SPIN1: variants seen among roughly 807,000 people sequenced by gnomAD.
SPIN1 encodes the protein spindlin-1.
Under a neutral mutation model 26.0 loss-of-function variants are expected in SPIN1, and 3 were observed. That is an observed-to-expected ratio of 0.12 (90% CI 0.05 to 0.30). SPIN1 has a LOEUF of 0.30. SPIN1 is among the 10% of genes least tolerant of loss of function. The pLI, the probability that SPIN1 is intolerant of heterozygous loss-of-function variation, is 1.00. For missense variants in SPIN1, 126 were observed against 333.4 expected (o/e 0.38, Z 4.84); for synonymous variants, 101 against 116.5 (o/e 0.87, Z 0.86).
intron 1 of SPIN1, among the ~76,000 whole-genome samples, chr9:88,394,832 C>CA (rs1314702206): frequency 8.0e-6 from 1 of 125,720 alleles, no homozygotes; most frequent in African/African-American, 3.2e-5. Flanking sequence ...TTTTTTGAGA[C>CA]AGAGTCTCGC....
At chr9:88,441,396 T>TTC (rs1444186068) in intron 2 of SPIN1, among the ~76,000 whole-genome samples, 1 of 147,262 alleles carries the variant, frequency 6.8e-6, no homozygotes, top group African/African-American at 2.7e-5. Flanking sequence ...ATTGCTGCCA[T>TTC]TCGTGTGTGT....
At chr9:88,389,104 C>T (rs1826859319) in intron 1 of SPIN1, among the ~76,000 whole-genome samples, 1 of 152,074 alleles carries the variant, frequency 6.6e-6, no homozygotes. Flanking sequence ...CGGGGGATGG[C>T]CGCGGACCTT....
At chr9:88,411,159 A>G (rs1461689126) in intron 1 of SPIN1, 2 of 1,465,240 alleles carry the variant, frequency 1.4e-6, no homozygotes, top group Non-Finnish European at 1.9e-6. Flanking sequence ...TTCACAGTTA[A>G]GTGGGCACCT....
intron 1 of SPIN1, chr9:88,391,577 C>T (rs1241834496): frequency 6.6e-6 from 1 of 152,180 alleles, no homozygotes; most frequent in African/African-American, 2.4e-5. Context: ...TAGGTAGCAG[C>T]GTTCTTACTT....
At chr9:88,390,852 AAG>A (rs1826905662) in intron 1 of SPIN1, among the ~76,000 whole-genome samples, 1 of 152,166 alleles carries the variant, frequency 6.6e-6, no homozygotes, top group African/African-American at 2.4e-5. Context: ...TTTTTAAAAA[AAG>A]TTTTTTTTTA....
chr9:88,400,234 A>G (rs897288151), intron 1 of SPIN1, among the ~76,000 whole-genome samples: 1 of 152,134 alleles, frequency 6.6e-6, no homozygotes, highest in Non-Finnish European at 1.5e-5. Context: ...ACCCATGAGA[A>G]AGGTATGCTG....
intron 1 of SPIN1, among the ~76,000 whole-genome samples, chr9:88,393,637 G>T (rs1355051814): frequency 2.0e-5 from 3 of 151,458 alleles, no homozygotes; most frequent in Non-Finnish European, 4.4e-5. Flanking sequence ...TGTATTTTTA[G>T]TAGAGACGGG....
At chr9:88,468,698 T>C (rs1445375499) in intron 5 of SPIN1, 93 bp downstream of exon 5, 1 of 775,136 alleles carries the variant, frequency 1.3e-6, no homozygotes, top group Admixed American at 3.9e-5. Context: ...CAGATACATT[T>C]TTATTTTTGG....
At chr9:88,417,195 TC>T (rs1827584431) in intron 1 of SPIN1, among the ~76,000 whole-genome samples, 1 of 152,234 alleles carries the variant, frequency 6.6e-6, no homozygotes, top group African/African-American at 2.4e-5. Context: ...TATGTTTTTT[TC>T]GTATAAATGT....
chr9:88,406,015 G>A (rs1025835757), intron 1 of SPIN1, among the ~76,000 whole-genome samples: 16 of 149,224 alleles, frequency 1.1e-4, no homozygotes, highest in African/African-American at 4.0e-4. Context: ...CTGTGTGTGT[G>A]TGTGTGTGTG....
intron 3 of SPIN1, among the ~76,000 whole-genome samples, chr9:88,450,464 AGGTTTG>A (rs554446250): frequency 0.017 from 2,551 of 152,328 alleles, 71 homozygotes; most frequent in African/African-American, 0.059. Flanking sequence ...AGATATTAAT[AGGTTTG>A]AGCTCTTGGG....
chr9:88,454,041 T>A (rs552310838), intron 3 of SPIN1, among the ~76,000 whole-genome samples: 26 of 152,334 alleles, frequency 1.7e-4, no homozygotes, highest in African/African-American at 6.0e-4. Flanking sequence ...CTGGAATTGT[T>A]TCAAGAAATA....
chr9:88,458,583 C>A (rs1330652406), intron 3 of SPIN1, among the ~76,000 whole-genome samples: 2 of 152,088 alleles, frequency 1.3e-5, no homozygotes, highest in Non-Finnish European at 2.9e-5. Flanking sequence ...TGGGAGGGAG[C>A]AGCGACAACG....
intron 2 of SPIN1, among the ~76,000 whole-genome samples, chr9:88,429,786 T>C (rs1193233171): frequency 2.0e-5 from 3 of 152,114 alleles, no homozygotes; most frequent in Non-Finnish European, 4.4e-5. Context: ...CAGTGGGTGG[T>C]TGAAAGTCCT....
intron 1 of SPIN1, among the ~76,000 whole-genome samples, chr9:88,399,262 G>C (rs1827137217): frequency 6.6e-6 from 1 of 151,616 alleles, no homozygotes; most frequent in Non-Finnish European, 1.5e-5. Context: ...TTGAACTCCT[G>C]ACCTCGTGAT....
chr9:88,418,057 G>C (rs1323380547), intron 1 of SPIN1, among the ~76,000 whole-genome samples: 1 of 152,216 alleles, frequency 6.6e-6, no homozygotes, highest in East Asian at 1.9e-4. Flanking sequence ...TTTCTCTGCA[G>C]CTGTCCTTTT....
At chr9:88,436,959 G>A (rs1828013336) in intron 2 of SPIN1, among the ~76,000 whole-genome samples, 1 of 151,394 alleles carries the variant, frequency 6.6e-6, no homozygotes, top group Non-Finnish European at 1.5e-5. Context: ...TAGAGACGGG[G>A]TTTCACCGTT....
chr9:88,438,019 T>C (rs1828042645), intron 2 of SPIN1, among the ~76,000 whole-genome samples: 1 of 151,922 alleles, frequency 6.6e-6, no homozygotes, highest in East Asian at 1.9e-4. Context: ...GGCGTGGTGA[T>C]GCGCGCCTGT....
chr9:88,453,417 C>T (rs547046057), intron 3 of SPIN1, among the ~76,000 whole-genome samples: 1 of 152,224 alleles, frequency 6.6e-6, no homozygotes, highest in African/African-American at 2.4e-5. Flanking sequence ...CTCTTCATGC[C>T]GCTGAATCCA....
Sources: allele counts gnomAD v4.1 joint callset (sites outside exome capture counted in the v4.1 genomes callset), GRCh38; gene constraint gnomAD v4.1.1; transcripts MANE v1.5; gene names NCBI Gene and HGNC (gene_info 2026-07-23, HGNC 2026-07-21).